Variants in EXOC4 observed in about 807,000 individuals in gnomAD.
EXOC4 encodes the protein exocyst complex component 4, also known as SEC8-like 1.
A neutral mutation model predicts 107.2 loss-of-function variants in EXOC4; 71 were observed. The observed-to-expected ratio is 0.66, with a 90% CI of 0.55 to 0.81. The LOEUF (loss-of-function observed/expected upper bound fraction) is 0.81, where lower values mean the gene tolerates loss of function less well. Ranked by LOEUF, EXOC4 falls within the 30% of genes least tolerant of loss-of-function variation. The pLI is 0.00. For missense variants in EXOC4, 1,108 were observed against 1,189.6 expected (o/e 0.93, Z 1.01); for synonymous variants, 456 against 441.2 (o/e 1.03, Z -0.42).
At chr7:133,604,977 G>T (rs1414019562) in intron 9 of EXOC4, among the ~76,000 whole-genome samples, 1 of 151,366 alleles carries the variant, frequency 6.6e-6, no homozygotes, top group Non-Finnish European at 1.5e-5. Context: ...CACCCACCTC[G>T]GCCTCCCAAA....
Position 133,766,554 on chromosome 7 carries a change from C to T in EXOC4, c.1515-50771C>T, listed in dbSNP as rs1562988705. ...TTAATATCAGATTGTAATTAGGGAT[C>T]TTAAAGTTAGAGTAAAATGGTTAAC... is the stretch of plus-strand genomic sequence containing the variant. On this transcript the variant is annotated intron_variant, in intron 10 of 17. Coordinates refer to ENST00000253861, the MANE Select transcript of EXOC4 (RefSeq NM_021807.4). Among the ~76,000 whole-genome samples the T allele has an allele frequency of 3.3e-5, 5 of 152,014 alleles. No individual in the cohort carries two copies. In the South Asian group the frequency reaches 1.0e-3, roughly 32 times the overall value.
intron 7 of EXOC4, among the ~76,000 whole-genome samples, chr7:133,441,072 A>G (rs1798093278): frequency 6.6e-6 from 1 of 152,264 alleles, no homozygotes; most frequent in African/African-American, 2.4e-5. Flanking sequence ...GAGGTCTTCT[A>G]TTTCAGAAGT....
At chr7:134,038,201 T>C (rs1258520748) in intron 17 of EXOC4, among the ~76,000 whole-genome samples, 1 of 152,198 alleles carries the variant, frequency 6.6e-6, no homozygotes, top group Non-Finnish European at 1.5e-5. Context: ...CTCATTCAAC[T>C]GAGAGGCATC....
intron 1 of EXOC4, among the ~76,000 whole-genome samples, chr7:133,258,192 G>A (rs1399630701): frequency 6.6e-6 from 1 of 151,882 alleles, no homozygotes; most frequent in Non-Finnish European, 1.5e-5. Context: ...TGGGATGTCT[G>A]GCAGCATATG....
chr7:133,459,822 C>T (rs1041299207), intron 7 of EXOC4, among the ~76,000 whole-genome samples: 8 of 152,094 alleles, frequency 5.3e-5, no homozygotes, highest in Non-Finnish European at 1.2e-4. Flanking sequence ...AATCAACAGA[C>T]ATATCATTTA....
chr7:133,796,579 G>A lies in EXOC4; in HGVS notation c.1515-20746G>A, dbSNP rs559291361. On this transcript the variant is annotated intron_variant, in intron 10 of 17. Transcript: ENST00000253861. ...TCGAGACCATCCTGGCCAACATGGT[G>A]AAACCCCATCTCTACAAAAAATATA... Among the ~76,000 whole-genome samples, 50 of 152,104 alleles carry A rather than the reference G, an allele frequency of 3.3e-4. 1 individual carries two copies. The highest frequency in any genetic ancestry group is 6.3e-4 in the Non-Finnish European group (43 of 68,018).
At chr7:133,460,619 A>G (rs535441623) in intron 7 of EXOC4, among the ~76,000 whole-genome samples, 1 of 152,218 alleles carries the variant, frequency 6.6e-6, no homozygotes, top group South Asian at 2.1e-4. Context: ...AAATAGTATT[A>G]CTTTTTGTTT....
At chr7:133,528,420 A>G (rs1800120272) in intron 9 of EXOC4, among the ~76,000 whole-genome samples, 1 of 152,140 alleles carries the variant, frequency 6.6e-6, no homozygotes, top group East Asian at 1.9e-4. Flanking sequence ...TGATTTTTGA[A>G]TTTGGAATTA....
intron 10 of EXOC4, among the ~76,000 whole-genome samples, chr7:133,776,887 G>T (rs937691063): frequency 6.6e-6 from 1 of 151,918 alleles, no homozygotes; most frequent in African/African-American, 2.4e-5. Flanking sequence ...TGATATCTAA[G>T]AATACTTATC....
chr7:134,091,273 T>G, the EXOC4 span, among the ~76,000 whole-genome samples: 4 of 152,200 alleles, frequency 2.6e-5, no homozygotes, highest in Admixed American at 1.3e-4. Flanking sequence ...GGTTATTTCT[T>G]GATGATATGC....
At chr7:133,665,241 C>A (rs890310314) in intron 10 of EXOC4, among the ~76,000 whole-genome samples, 1 of 152,152 alleles carries the variant, frequency 6.6e-6, no homozygotes, top group African/African-American at 2.4e-5. Flanking sequence ...GTGTGTCATT[C>A]CCCTTCCCAT....
At chr7:133,758,644 C>G (rs972093478) in intron 10 of EXOC4, among the ~76,000 whole-genome samples, 1 of 152,160 alleles carries the variant, frequency 6.6e-6, no homozygotes, top group Non-Finnish European at 1.5e-5. Flanking sequence ...TTCTTTGTTT[C>G]ACTTATATTT....
At chr7:133,487,631 C>G (rs1229592541) in intron 9 of EXOC4, among the ~76,000 whole-genome samples, 1 of 152,070 alleles carries the variant, frequency 6.6e-6, no homozygotes, top group Non-Finnish European at 1.5e-5. Flanking sequence ...ATTGCTTGAA[C>G]CTAGGAGGTG....
chr7:134,073,587 T>C, the EXOC4 span, among the ~76,000 whole-genome samples: 1 of 152,186 alleles, frequency 6.6e-6, no homozygotes, highest in African/African-American at 2.4e-5. Flanking sequence ...CTACCTTGGC[T>C]GAGGAATGTC....
At chr7:133,603,507 G>A (rs993722207) in intron 9 of EXOC4, among the ~76,000 whole-genome samples, 1 of 152,144 alleles carries the variant, frequency 6.6e-6, no homozygotes. Flanking sequence ...ATATGGTATA[G>A]CCTGTCGCTC....
intron 11 of EXOC4, among the ~76,000 whole-genome samples, chr7:133,830,777 A>G (rs1235130886): frequency 2.6e-5 from 4 of 152,206 alleles, no homozygotes; most frequent in Non-Finnish European, 4.4e-5. Flanking sequence ...ACACATTATT[A>G]TTAACTAAAA....
intron 7 of EXOC4, among the ~76,000 whole-genome samples, chr7:133,431,087 T>C (rs990078568): frequency 3.9e-5 from 6 of 152,194 alleles, no homozygotes; most frequent in Non-Finnish European, 5.9e-5. Flanking sequence ...TTTCTAAAGG[T>C]CACTAAGGGA....
At chr7:133,563,419 G>A (rs941952622) in intron 9 of EXOC4, among the ~76,000 whole-genome samples, 13 of 152,128 alleles carry the variant, frequency 8.5e-5, no homozygotes, top group African/African-American at 2.7e-4. Context: ...AGTTTTACTC[G>A]TTTCTCCTCC....
At chr7:133,969,718 C>T (rs972779849) in intron 14 of EXOC4, among the ~76,000 whole-genome samples, 3 of 152,302 alleles carry the variant, frequency 2.0e-5, no homozygotes, top group South Asian at 2.1e-4. Flanking sequence ...GAAGTTTTGT[C>T]CCAGAGGGGC....
Sources: gnomAD v4.1 joint callset for allele counts (sites outside exome capture counted in the v4.1 genomes callset) on GRCh38, gnomAD v4.1.1 for gene constraint, MANE v1.5 for transcripts, NCBI Gene and HGNC (gene_info 2026-07-23, HGNC 2026-07-21) for gene names.